PRSS23: variants seen among roughly 807,000 people sequenced by gnomAD.
PRSS23 encodes protease, serine 23.
PRSS23 carries 25 observed loss-of-function variants against 34.7 expected under a neutral mutation model. That is an observed-to-expected ratio of 0.72 (90% CI 0.53 to 1.01). PRSS23 has a LOEUF of 1.01. Ranked by LOEUF, PRSS23 falls within the 50% of genes least tolerant of loss-of-function variation. The pLI is 0.00. For missense variants in PRSS23, 445 were observed against 475.6 expected (o/e 0.94, Z 0.60); for synonymous variants, 176 against 186.6 (o/e 0.94, Z 0.46).
intron 2 of PRSS23, among the ~76,000 whole-genome samples, chr11:86,918,888 T>C (rs1949030478): frequency 6.6e-6 from 1 of 152,192 alleles, no homozygotes; most frequent in South Asian, 2.1e-4. Context: ...TTTATTATTA[T>C]TTTAATAACC....
At chr11:86,834,152 C>T (rs934196732) in intron 2 of PRSS23, among the ~76,000 whole-genome samples, 1 of 152,204 alleles carries the variant, frequency 6.6e-6, no homozygotes, top group South Asian at 2.1e-4. Context: ...GCACACTTCA[C>T]AGGCCCTGAC....
At chr11:86,827,101 C>T (rs1433175272) in intron 2 of PRSS23, among the ~76,000 whole-genome samples, 7 of 152,058 alleles carry the variant, frequency 4.6e-5, no homozygotes, top group East Asian at 1.9e-4. Flanking sequence ...TGGTAGAATT[C>T]GGCTGTGAAT....
In PRSS23 at chr11:86,808,367, G is replaced by A. The variant is rs575736317; in HGVS notation, c.724G>A (p.Gly242Ser). 61 of 1,614,150 alleles carry A rather than the reference G, an allele frequency of 3.8e-5. No homozygotes were observed. The highest frequency in any genetic ancestry group is 4.7e-5 in the Non-Finnish European group (55 of 1,180,040). Reference protein sequence around the residue: ...GWIKGNANDIGMDYDYALLEL... With the variant: ...GWIKGNANDISMDYDYALLEL... Reference sequence around the variant, plus strand: ...GATCAAGGGCAATGCCAATGACATCGGCATGGATTATGATTATGCCCTCCT... The same window carrying A: ...GATCAAGGGCAATGCCAATGACATCAGCATGGATTATGATTATGCCCTCCT... Residue 242 changes from glycine (G) to serine (S), a missense_variant, in exon 2 of 2, where the codon GGC becomes AGC. By Grantham distance (56) the Gly-to-Ser change is moderately conservative (BLOSUM62 0). Transcript: ENST00000280258.
chr11:86,815,122 G>C (rs1038712246), downstream of PRSS23, among the ~76,000 whole-genome samples: 1 of 152,182 alleles, frequency 6.6e-6, no homozygotes, highest in Non-Finnish European at 1.5e-5. Context: ...GAAATAAACA[G>C]AACAAGGGGC....
intron 2 of PRSS23, among the ~76,000 whole-genome samples, chr11:86,824,682 A>G (rs1267261893): frequency 7.1e-5 from 9 of 127,454 alleles, no homozygotes; most frequent in Admixed American, 1.0e-4. Context: ...TCCTGTGTCC[A>G]TGTGTTCTCA....
intron 2 of PRSS23, chr11:86,948,839 C>G (rs534024297): frequency 1.3e-5 from 2 of 152,668 alleles, no homozygotes; most frequent in African/African-American, 4.8e-5. Flanking sequence ...CCTCTATACT[C>G]TAACAGCAAG....
At chr11:86,863,550 G>T (rs1317156286) in intron 2 of PRSS23, among the ~76,000 whole-genome samples, 1 of 152,166 alleles carries the variant, frequency 6.6e-6, no homozygotes, top group Non-Finnish European at 1.5e-5. Flanking sequence ...CCTTTAGGGA[G>T]ATTTGAATAT....
chr11:86,874,550 G>T (rs80153685), intron 2 of PRSS23, among the ~76,000 whole-genome samples: 5,756 of 152,226 alleles, frequency 0.038, 209 homozygotes, highest in East Asian at 0.19. Context: ...GCACAGCCCC[G>T]TGGCCACTAC....
rs1319823742 is a variant in PRSS23 at position 86,947,709 on chromosome 11, A to C, written c.207-3507A>C. ...AAAGGAAAGAGGATATGAATCAACC[A>C]AGTAGCTCAAGCAGATGGTTCTGGC... On this transcript the variant is annotated intron_variant, in intron 2 of 2. Coordinates refer to the PRSS23 transcript ENST00000533902. The C allele has an allele frequency of 6.6e-6, 1 of 152,234 alleles. No individual in the cohort carries two copies. The highest frequency in any genetic ancestry group is 1.5e-5 in the Non-Finnish European group (1 of 68,124). The allele number at this position is 152,234 out of a possible 1,614,324, so 9.4% of individuals were successfully genotyped here.
intron 2 of PRSS23, among the ~76,000 whole-genome samples, chr11:86,923,076 T>A (rs1006881272): frequency 6.6e-5 from 10 of 152,090 alleles, no homozygotes; most frequent in African/African-American, 2.4e-4. Context: ...ATATATCACA[T>A]ACATCGGGTT....
At chr11:86,934,815 G>A (rs1949150344) in intron 2 of PRSS23, 1 of 152,220 alleles carries the variant, frequency 6.6e-6, no homozygotes, top group Non-Finnish European at 1.5e-5. Flanking sequence ...GCTCATGCAT[G>A]GGAGGATTTG....
At chr11:86,877,360 T>C (rs1378056525) in intron 2 of PRSS23, among the ~76,000 whole-genome samples, 1 of 152,234 alleles carries the variant, frequency 6.6e-6, no homozygotes, top group Non-Finnish European at 1.5e-5. Flanking sequence ...CTTTTCTTCT[T>C]ACACGGTTCC....
intron 2 of PRSS23, among the ~76,000 whole-genome samples, chr11:86,931,839 A>T (rs11234883): frequency 0.28 from 29,711 of 105,378 alleles, 3,205 homozygotes; most frequent in Middle Eastern, 0.44. Flanking sequence ...AATTTTTTTT[A>T]AAAAAAAGAG....
chr11:86,802,613 C>T (rs1325056308), intron 1 of PRSS23, among the ~76,000 whole-genome samples: 1 of 152,146 alleles, frequency 6.6e-6, no homozygotes, highest in Non-Finnish European at 1.5e-5. Flanking sequence ...ACTTTCCTGC[C>T]GTTTCTTTCT....
At chr11:86,917,118 A>G (rs1400479660) in intron 2 of PRSS23, among the ~76,000 whole-genome samples, 1 of 152,172 alleles carries the variant, frequency 6.6e-6, no homozygotes, top group African/African-American at 2.4e-5. Context: ...TCAGGAGTTC[A>G]AGACCAGCCT....
intron 2 of PRSS23, among the ~76,000 whole-genome samples, chr11:86,888,117 T>TTAA (rs148070384): frequency 1.0e-5 from 1 of 98,812 alleles, no homozygotes; most frequent in African/African-American, 3.9e-5. Flanking sequence ...TGGTTTTTTT[T>TTAA]AAAAAAAAAC....
intron 2 of PRSS23, among the ~76,000 whole-genome samples, chr11:86,887,439 C>T (rs572597523): frequency 2.0e-5 from 3 of 150,652 alleles, no homozygotes; most frequent in East Asian, 1.9e-4. Context: ...GAAGCATGAA[C>T]GTCCCAGCAA....
chr11:86,819,422 A>G (rs1948237617), intron 1 of PRSS23, among the ~76,000 whole-genome samples: 1 of 152,100 alleles, frequency 6.6e-6, no homozygotes, highest in Non-Finnish European at 1.5e-5. Flanking sequence ...TGCTATATAT[A>G]ATTTATTAAC....
intron 2 of PRSS23, among the ~76,000 whole-genome samples, chr11:86,869,133 G>A (rs974716290): frequency 1.3e-5 from 2 of 152,146 alleles, no homozygotes; most frequent in Non-Finnish European, 2.9e-5. Flanking sequence ...AATTCATTTG[G>A]AGTGAAAAAC....
Sources: gnomAD v4.1 joint callset for allele counts (sites outside exome capture counted in the v4.1 genomes callset) on GRCh38, gnomAD v4.1.1 for gene constraint, MANE v1.5 for transcripts, NCBI Gene and HGNC (gene_info 2026-07-23, HGNC 2026-07-21) for gene names.